REDIC1: variants seen among roughly 807,000 people sequenced by gnomAD.
The protein encoded by REDIC1 is regulator of DNA class I crossover intermediates 1.
the REDIC1 span, among the ~76,000 whole-genome samples, chr12:39,711,675 G>T: frequency 7.5e-6 from 1 of 133,848 alleles, no homozygotes; most frequent in Admixed American, 7.3e-5. Context: ...ACACATGTAT[G>T]TGTGTATGCA....
the REDIC1 span, among the ~76,000 whole-genome samples, chr12:39,687,859 A>G: frequency 6.6e-6 from 1 of 152,200 alleles, no homozygotes; most frequent in South Asian, 2.1e-4. Context: ...GTTTATTTCT[A>G]ATCTACAGGA....
chr12:39,712,217 T>A, the REDIC1 span, among the ~76,000 whole-genome samples: 3 of 14,486 alleles, frequency 2.1e-4, no homozygotes, highest in Non-Finnish European at 9.1e-4. Flanking sequence ...TATGTATATA[T>A]ACATGTATAT....
the REDIC1 span, chr12:39,760,161 T>C: frequency 1.2e-6 from 2 of 1,612,970 alleles, no homozygotes; most frequent in Non-Finnish European, 1.7e-6. Context: ...GTGATTCAAT[T>C]TCCTCTAATT....
chr12:39,639,163 T>C, the REDIC1 span, among the ~76,000 whole-genome samples: 1 of 152,062 alleles, frequency 6.6e-6, no homozygotes, highest in African/African-American at 2.4e-5. Context: ...AGGTCCTCCT[T>C]AGTCTTAGCA....
chr12:39,715,506 G>A, the REDIC1 span, among the ~76,000 whole-genome samples: 2,987 of 151,898 alleles, frequency 0.02, 96 homozygotes, highest in African/African-American at 0.067. Context: ...ACTGCCAAAA[G>A]CAATCTACGA....
At chr12:39,659,408 C>T in the REDIC1 span, among the ~76,000 whole-genome samples, 1 of 151,950 alleles carries the variant, frequency 6.6e-6, no homozygotes, top group East Asian at 1.9e-4. Context: ...CCTTGGGGGA[C>T]TCAAATTGGT....
chr12:39,661,606 C>T, the REDIC1 span, among the ~76,000 whole-genome samples: 1 of 151,966 alleles, frequency 6.6e-6, no homozygotes, highest in Non-Finnish European at 1.5e-5. Flanking sequence ...AACAGGTTGT[C>T]TCTTCACTCT....
the REDIC1 span, among the ~76,000 whole-genome samples, chr12:39,652,961 A>G: frequency 6.6e-6 from 1 of 152,048 alleles, no homozygotes; most frequent in Non-Finnish European, 1.5e-5. Context: ...AAAGAAGTGT[A>G]TTAGTCCAAC....
At chr12:39,648,036 T>G in the REDIC1 span, 1 of 1,172,472 alleles carries the variant, frequency 8.5e-7, no homozygotes, top group South Asian at 2.3e-5. Context: ...TGAAACTCTT[T>G]TTTTCTTTTT....
the REDIC1 span, among the ~76,000 whole-genome samples, chr12:39,664,490 G>T: frequency 6.6e-5 from 10 of 152,150 alleles, no homozygotes; most frequent in African/African-American, 1.9e-4. Context: ...GGACATTTGG[G>T]TTGGTTCCAC....
chr12:39,846,624 T>C, the REDIC1 span, among the ~76,000 whole-genome samples: 1 of 152,160 alleles, frequency 6.6e-6, no homozygotes, highest in Non-Finnish European at 1.5e-5. Context: ...GCTAATTTTT[T>C]GTATTTTTGG....
chr12:39,713,227 T>TATACGTGTATATATGTGTACACACAC, the REDIC1 span, among the ~76,000 whole-genome samples: 368 of 134,126 alleles, frequency 2.7e-3, 4 homozygotes, highest in East Asian at 0.011. Flanking sequence ...ATATTACACA[T>TATACGTGTATATATGTGTACACACAC]ATACGTGTAT....
the REDIC1 span, among the ~76,000 whole-genome samples, chr12:39,895,307 G>A: frequency 2.6e-5 from 4 of 151,530 alleles, no homozygotes; most frequent in South Asian, 4.2e-4. Context: ...TGGCTAATAC[G>A]GGGAAATCCC....
At chr12:39,641,550 T>C in the REDIC1 span, among the ~76,000 whole-genome samples, 1 of 151,492 alleles carries the variant, frequency 6.6e-6, no homozygotes, top group African/African-American at 2.4e-5. Context: ...TGTCCCAACA[T>C]CCATTAGCAG....
At chr12:39,801,579 A>C in the REDIC1 span, among the ~76,000 whole-genome samples, 1 of 152,220 alleles carries the variant, frequency 6.6e-6, no homozygotes, top group Non-Finnish European at 1.5e-5. Context: ...TACAAAGATT[A>C]TTACAGCAGG....
At chr12:39,742,411 C>T in the REDIC1 span, among the ~76,000 whole-genome samples, 1 of 152,134 alleles carries the variant, frequency 6.6e-6, no homozygotes, top group Non-Finnish European at 1.5e-5. Flanking sequence ...GAAGGCTGCG[C>T]TCTTGGCACC....
chr12:39,810,989 T>C, the REDIC1 span, among the ~76,000 whole-genome samples: 2 of 152,152 alleles, frequency 1.3e-5, no homozygotes. Context: ...TGAAAGAGTT[T>C]ATATAGGATT....
At chr12:39,712,363 TACA>T in the REDIC1 span, among the ~76,000 whole-genome samples, 2 of 137,714 alleles carry the variant, frequency 1.5e-5, no homozygotes, top group African/African-American at 2.7e-5. Flanking sequence ...CATACATACA[TACA>T]TATGTATATA....
chr12:39,777,715 C>G, the REDIC1 span, among the ~76,000 whole-genome samples: 1 of 152,172 alleles, frequency 6.6e-6, no homozygotes, highest in Non-Finnish European at 1.5e-5. Context: ...TCGAGAGGAA[C>G]GCACCAACAG....
Sources: allele counts gnomAD v4.1 joint callset (sites outside exome capture counted in the v4.1 genomes callset), GRCh38; gene constraint gnomAD v4.1.1; transcripts MANE v1.5; gene names NCBI Gene and HGNC (gene_info 2026-07-23, HGNC 2026-07-21).